The following LPP variants were observed in gnomAD, a reference collection of about 807,000 sequenced individuals.
LPP encodes LIM domain containing preferred translocation partner in lipoma, also known as lipoma-preferred partner.
Under a neutral mutation model 60.4 loss-of-function variants are expected in LPP, and 38 were observed. The observed-to-expected ratio is 0.63, with a 90% CI of 0.49 to 0.83. The LOEUF (loss-of-function observed/expected upper bound fraction) is 0.83. LPP is among the 40% of genes least tolerant of loss of function. The probability of loss-of-function intolerance (pLI) is 0.00; values close to 1 mark genes in which losing one functional copy is unlikely to be tolerated. For synonymous variants in LPP, 328 were observed against 290.8 expected (o/e 1.13, Z -1.30); for missense variants, 902 against 783.6 (o/e 1.15, Z -1.80).
intron 4 of LPP, among the ~76,000 whole-genome samples, chr3:188,426,838 T>G (rs1245510389): frequency 6.6e-6 from 1 of 152,216 alleles, no homozygotes; most frequent in Non-Finnish European, 1.5e-5. Context: ...TTTGAGCCTG[T>G]ATGTGTCTTT....
rs907418170 is a variant in LPP at position 188,610,854 on chromosome 3, T to C, written c.1113+1010T>C. On this transcript the variant is annotated intron_variant, in intron 7 of 11. Transcript: ENST00000617246. The surrounding 1 kb of genome is among the most constrained non-coding windows in gnomAD (Gnocchi z 4.4). The stretch of plus-strand genomic sequence containing the variant: ...GCCACTTGGGTTGGAAGAGTGCCCT[T>C]GCTTCTTTTCAGTTAGAACTGTGAG... Among the ~76,000 whole-genome samples the C allele has an allele frequency of 3.3e-5, 5 of 152,180 alleles. No homozygotes were observed. Among genetic ancestry groups the C allele is most frequent in the African/African-American group, 1.2e-4 (5 of 41,444 alleles).
intron 2 of LPP, among the ~76,000 whole-genome samples, chr3:188,292,259 A>G (rs1746252345): frequency 6.6e-6 from 1 of 152,362 alleles, no homozygotes; most frequent in East Asian, 1.9e-4. Flanking sequence ...CTACTGATGT[A>G]CAAACTGGAT....
intron 2 of LPP, among the ~76,000 whole-genome samples, chr3:188,240,334 T>G: frequency 6.6e-6 from 1 of 150,472 alleles, no homozygotes; most frequent in East Asian, 1.9e-4. Context: ...TCAGGAGTTT[T>G]GGGTAAGAGT....
chr3:188,737,148 ATG>A (rs935444232), intron 8 of LPP, among the ~76,000 whole-genome samples: 1 of 152,174 alleles, frequency 6.6e-6, no homozygotes, highest in African/African-American at 2.4e-5. Flanking sequence ...TACAATGAAC[ATG>A]TGTTATTTTC....
In LPP at chr3:188,154,212, G is replaced by GCCGCCGCCA. The variant is rs1553796054; in HGVS notation, c.-228_-227insGCCGCCACC. ...AGCCGCCGCCGCCGCCGCCGCCGCC[G>GCCGCCGCCA]CCACCACCACCGCCGCTGCCCCGGC... is the stretch of plus-strand genomic sequence containing the variant. On this transcript the variant is annotated 5_prime_UTR_variant, in exon 1 of 12. Transcript: ENST00000617246. Among the ~76,000 whole-genome samples, 1 of 151,622 alleles carries GCCGCCGCCA rather than the reference G, an allele frequency of 6.6e-6. No homozygotes were observed. The highest frequency in any genetic ancestry group is 1.5e-5 in the Non-Finnish European group (1 of 67,830).
intron 5 of LPP, 56 bp downstream of exon 5, chr3:188,484,760 A>G (rs1805839005): frequency 1.5e-6 from 2 of 1,323,748 alleles, no homozygotes; most frequent in Non-Finnish European, 2.2e-6. Context: ...AGTCATGTTT[A>G]TAAGCCATCC....
chr3:188,645,221 C>A (rs1360441794), intron 7 of LPP, among the ~76,000 whole-genome samples: 2 of 151,704 alleles, frequency 1.3e-5, no homozygotes, highest in African/African-American at 4.8e-5. Flanking sequence ...TATTTCTAAA[C>A]CCTTGTCCTA....
At chr3:188,711,190 T>C (rs1350756044) in intron 8 of LPP, 2 of 152,216 alleles carry the variant, frequency 1.3e-5, no homozygotes, top group Non-Finnish European at 2.9e-5. Context: ...AAGTAATCAT[T>C]GCCAAATGGG....
intron 4 of LPP, among the ~76,000 whole-genome samples, chr3:188,422,401 C>T (rs562029751): frequency 6.6e-6 from 1 of 152,222 alleles, no homozygotes; most frequent in Non-Finnish European, 1.5e-5. Context: ...ACATTAAATG[C>T]CTGCCTTTTG....
rs1409306611 is a variant in LPP, at chr3:188,572,488, T to G, written c.430-36673T>G. Among the ~76,000 whole-genome samples, 6 of 152,124 alleles carry G rather than the reference T, an allele frequency of 3.9e-5. No homozygotes were observed. Among genetic ancestry groups the G allele is most frequent in the Non-Finnish European group, 8.8e-5 (6 of 68,002 alleles). ...TAGAGTTAAGGGTCCTAAGGCTTTT[T>G]AATGTGAGCAGAGTGCAATGAAAGA... On this transcript the variant is annotated intron_variant, in intron 6 of 11. Transcript: ENST00000617246. This position sits in a 1 kb window ranked among gnomAD's most constrained non-coding sequence, Gnocchi z 4.1.
intron 7 of LPP, among the ~76,000 whole-genome samples, chr3:188,617,259 C>T (rs1192282907): frequency 7.2e-5 from 11 of 152,092 alleles, no homozygotes; most frequent in Admixed American, 4.6e-4. Flanking sequence ...GATGAGAAAA[C>T]TGAGGCCTGA....
intron 6 of LPP, among the ~76,000 whole-genome samples, chr3:188,608,723 G>C (rs958342628): frequency 2.6e-5 from 4 of 152,126 alleles, no homozygotes; most frequent in African/African-American, 9.7e-5. Context: ...TTGGTATTTA[G>C]ATAGGGATCT....
At chr3:188,849,657 C>G (rs1174692279) in intron 9 of LPP, among the ~76,000 whole-genome samples, 2 of 147,750 alleles carry the variant, frequency 1.4e-5, no homozygotes, top group Non-Finnish European at 3.0e-5. Flanking sequence ...CAACTTGTGA[C>G]TTTGGGTCCA....
chr3:188,223,527 T>C (rs1332290479), intron 1 of LPP, among the ~76,000 whole-genome samples: 5 of 152,156 alleles, frequency 3.3e-5, no homozygotes, highest in East Asian at 1.9e-4. Context: ...GTTCTCTTTA[T>C]GGAAAATAAG....
rs776314866 is a variant in LPP, at chr3:188,743,970, G to A, written c.1241-16143G>A. On this transcript the variant is annotated intron_variant, in intron 8 of 11. Coordinates refer to ENST00000617246, the MANE Select transcript of LPP (RefSeq NM_001375462.1). ...GTTTGATGACGTTTTAGGCTGTGAG[G>A]GGCATTTGCATTGTAGTAGAAATTG... 3.9e-5 allele frequency among the ~76,000 whole-genome samples: 6 copies of A among 152,034 alleles called. 1 individual carries two copies. Among genetic ancestry groups the A allele is most frequent in the Non-Finnish European group, 8.8e-5 (6 of 68,000 alleles).
intron 2 of LPP, among the ~76,000 whole-genome samples, chr3:188,333,688 C>T (rs1760763553): frequency 6.6e-6 from 1 of 152,048 alleles, no homozygotes; most frequent in Non-Finnish European, 1.5e-5. Context: ...GCTCAATGAG[C>T]ATTTGTTGAA....
In LPP at chr3:188,411,501, G is replaced by A. The variant is rs147977907; in HGVS notation, c.193+5188G>A. ...GCACAATTCTTAAAGATTTTATAGT[G>A]TTAACTATTTCATTTTTTGTGAAAT... On this transcript the variant is annotated intron_variant, in intron 4 of 11. Coordinates refer to ENST00000617246, the MANE Select transcript of LPP (RefSeq NM_001375462.1). Among the ~76,000 whole-genome samples, 766 of 152,180 alleles carry A rather than the reference G, an allele frequency of 5.0e-3. 12 individuals are homozygous for A. Among genetic ancestry groups the A allele is most frequent in the Middle Eastern group, 6.8e-3 (2 of 294 alleles).
chr3:188,771,549 C>CAAAAAAAAAAA (rs66712771), intron 9 of LPP, among the ~76,000 whole-genome samples: 3 of 108,936 alleles, frequency 2.8e-5, no homozygotes, highest in African/African-American at 7.8e-5. Flanking sequence ...GACTCCATCT[C>CAAAAAAAAAAA]AAAAAAAAAA....
At chr3:188,812,171 A>G (rs986091881) in intron 9 of LPP, among the ~76,000 whole-genome samples, 4 of 152,146 alleles carry the variant, frequency 2.6e-5, no homozygotes, top group African/African-American at 9.7e-5. Flanking sequence ...TGTAGTTCAT[A>G]TAGTTGATGA....
Sources: allele counts gnomAD v4.1 joint callset (sites outside exome capture counted in the v4.1 genomes callset), GRCh38; gene constraint gnomAD v4.1.1; non-coding constraint Gnocchi (gnomAD v3.1); transcripts MANE v1.5; gene names NCBI Gene and HGNC (gene_info 2026-07-23, HGNC 2026-07-21).